The following SYBU variants were observed in gnomAD, a reference collection of about 807,000 sequenced individuals.
SYBU encodes syntabulin, also known as GOLSYN A protein.
A neutral mutation model predicts 35.9 loss-of-function variants in SYBU; 21 were observed. The ratio of observed to expected loss-of-function variants is 0.58; its 90% CI spans 0.41 to 0.84. The LOEUF is 0.84. SYBU is among the 40% of genes least tolerant of loss of function. The pLI, the probability that SYBU is intolerant of heterozygous loss-of-function variation, is 0.00. For missense variants in SYBU, 768 were observed against 848.2 expected, an observed-to-expected ratio of 0.91 and a Z score of 1.17; for synonymous variants, 319 against 324.3, an observed-to-expected ratio of 0.98 and a Z score of 0.18.
At chr8:109,591,754 C>T (rs1293962915) in intron 3 of SYBU, among the ~76,000 whole-genome samples, 2 of 151,596 alleles carry the variant, frequency 1.3e-5, no homozygotes, top group Non-Finnish European at 2.9e-5. Context: ...CCTCGTGATC[C>T]GCCCGCCTCG....
chr8:109,665,262 G>A (rs1348615335), intron 1 of SYBU, among the ~76,000 whole-genome samples: 5 of 152,004 alleles, frequency 3.3e-5, no homozygotes, highest in Admixed American at 3.3e-4. Flanking sequence ...TTTTGGCCAA[G>A]CCTTCAACCT....
At chr8:109,681,094 G>A (rs1227991754), upstream of SYBU, 1 of 152,216 alleles carries the variant, frequency 6.6e-6, no homozygotes, top group Non-Finnish European at 1.5e-5. Context: ...CTGGAAGTTT[G>A]TGGTCACATT....
At chr8:109,657,437 G>GCCCAAAGGAAA (rs1315762013) in intron 1 of SYBU, among the ~76,000 whole-genome samples, 9 of 152,084 alleles carry the variant, frequency 5.9e-5, no homozygotes, top group Non-Finnish European at 7.4e-5. Context: ...AAATTTGTTT[G>GCCCAAAGGAAA]TTCTATAGAG....
At chr8:109,591,998 G>A (rs1310113524) in intron 3 of SYBU, among the ~76,000 whole-genome samples, 1 of 151,894 alleles carries the variant, frequency 6.6e-6, no homozygotes, top group Non-Finnish European at 1.5e-5. Context: ...ATAAAATAGG[G>A]ATGAGGTTAT....
At chr8:109,658,140 A>G (rs1302191209) in intron 1 of SYBU, among the ~76,000 whole-genome samples, 1 of 152,180 alleles carries the variant, frequency 6.6e-6, no homozygotes, top group Non-Finnish European at 1.5e-5. Flanking sequence ...ACAGTGCCAG[A>G]TCTAATATCT....
intron 1 of SYBU, among the ~76,000 whole-genome samples, chr8:109,666,042 T>C (rs1431052819): frequency 1.3e-5 from 2 of 152,192 alleles, no homozygotes; most frequent in African/African-American, 4.8e-5. Context: ...CCAAAGCATA[T>C]TTAATATACA....
intron 2 of SYBU, among the ~76,000 whole-genome samples, chr8:109,622,460 T>C (rs947941131): frequency 6.6e-6 from 1 of 152,164 alleles, no homozygotes; most frequent in African/African-American, 2.4e-5. Context: ...CTTGAACTCC[T>C]GGCCTCAAGT....
At chr8:109,586,891 G>C (rs531871680) in intron 3 of SYBU, among the ~76,000 whole-genome samples, 1 of 152,226 alleles carries the variant, frequency 6.6e-6, no homozygotes, top group South Asian at 2.1e-4. Flanking sequence ...CAACAGGTGG[G>C]TGTGTAATTA....
chr8:109,579,654 G>T, intron 5 of SYBU, 145 bp downstream of exon 5: 1 of 721,850 alleles, frequency 1.4e-6, no homozygotes, highest in Non-Finnish European at 2.3e-6. Flanking sequence ...CTTGAGGAAT[G>T]AGCCGAATGT....
Position 109,691,259 on chromosome 8 carries a change from ACCGAAGACCATCAGTTGCCCT to A in SYBU, c.-58+53_-58+73del. ...AGCGCCCCATCACTGCCCTCATTGTACCGAAGACCATCAGTTGCCCTCCCGTGTCCGCGGGCACTGACAGCA... is the reference window on the plus strand; with the variant it reads ...AGCGCCCCATCACTGCCCTCATTGTACCCGTGTCCGCGGGCACTGACAGCA... On this transcript the variant is annotated intron_variant, in intron 1 of 7. Coordinates refer to the SYBU transcript ENST00000422135. This position sits in a 1 kb window ranked among gnomAD's most constrained non-coding sequence, Gnocchi z 4.7. 1 of 694,002 alleles carries A rather than the reference ACCGAAGACCATCAGTTGCCCT, an allele frequency of 1.4e-6. No individual in the cohort carries two copies. Among genetic ancestry groups the A allele is most frequent in the Non-Finnish European group, 2.6e-6 (1 of 381,084 alleles). The allele number at this position is 694,002 out of a possible 1,614,324, so 43.0% of individuals were successfully genotyped here.
intron 3 of SYBU, among the ~76,000 whole-genome samples, chr8:109,588,748 A>G (rs1483702171): frequency 6.6e-6 from 1 of 152,098 alleles, no homozygotes; most frequent in African/African-American, 2.4e-5. Flanking sequence ...GGCAACAAAG[A>G]TACAAGGAAG....
chr8:109,660,846 A>G (rs925624202), intron 1 of SYBU, among the ~76,000 whole-genome samples: 1 of 152,156 alleles, frequency 6.6e-6, no homozygotes, highest in African/African-American at 2.4e-5. Flanking sequence ...CAGTGAGTGG[A>G]GCTGGAAAAT....
At chr8:109,632,434 G>A (rs1173295819) in intron 2 of SYBU, among the ~76,000 whole-genome samples, 1 of 152,130 alleles carries the variant, frequency 6.6e-6, no homozygotes, top group Non-Finnish European at 1.5e-5. Flanking sequence ...TTGTCTTGTA[G>A]CAATGTATCT....
intron 1 of SYBU, among the ~76,000 whole-genome samples, chr8:109,673,971 A>C (rs1817084589): frequency 6.6e-6 from 1 of 152,218 alleles, no homozygotes; most frequent in Admixed American, 6.5e-5. Context: ...CATGAAGACA[A>C]GATTAGAGAA....
chr8:109,615,865 G>T (rs1811680108), intron 3 of SYBU, among the ~76,000 whole-genome samples: 1 of 152,006 alleles, frequency 6.6e-6, no homozygotes, highest in Admixed American at 6.6e-5. Flanking sequence ...CTCTTCTGGA[G>T]TATGGGTCCA....
intron 2 of SYBU, among the ~76,000 whole-genome samples, chr8:109,626,439 G>A (rs1198831792): frequency 6.6e-6 from 1 of 152,028 alleles, no homozygotes; most frequent in African/African-American, 2.4e-5. Context: ...TATTAATATT[G>A]CAATTTTAAG....
chr8:109,665,417 T>G (rs951642476), intron 1 of SYBU, among the ~76,000 whole-genome samples: 2 of 152,166 alleles, frequency 1.3e-5, no homozygotes, highest in African/African-American at 2.4e-5. Context: ...CAGAGTTGAT[T>G]TGGGTAGTTT....
chr8:109,668,640 T>G (rs1431155594), intron 1 of SYBU, among the ~76,000 whole-genome samples: 1 of 152,172 alleles, frequency 6.6e-6, no homozygotes, highest in East Asian at 1.9e-4. Flanking sequence ...GAAAACATAT[T>G]ATTCATGGTA....
intron 2 of SYBU, among the ~76,000 whole-genome samples, chr8:109,631,119 A>C (rs1813579456): frequency 6.6e-6 from 1 of 152,150 alleles, no homozygotes; most frequent in South Asian, 2.1e-4. Context: ...GATTTTGGAG[A>C]GGTTTTGCCA....
Sources: gnomAD v4.1 joint callset for allele counts (sites outside exome capture counted in the v4.1 genomes callset) on GRCh38, gnomAD v4.1.1 for gene constraint, Gnocchi (gnomAD v3.1) non-coding constraint, MANE v1.5 for transcripts, NCBI Gene and HGNC (gene_info 2026-07-23, HGNC 2026-07-21) for gene names.